Variants in RPN1 observed in about 807,000 individuals in gnomAD.
The protein encoded by RPN1 is ribophorin I, also known as dolichyl-diphosphooligosaccharide--protein glycosyltransferase subunit 1.
A neutral mutation model predicts 55.5 loss-of-function variants in RPN1; 12 were observed. The observed-to-expected ratio is 0.22, with a 90% CI of 0.14 to 0.35. RPN1 has a LOEUF of 0.35. Ranked by LOEUF, RPN1 falls within the 10% of genes least tolerant of loss-of-function variation. The probability of loss-of-function intolerance (pLI) is 1.00; values close to 1 mark genes in which losing one functional copy is unlikely to be tolerated. For synonymous variants in RPN1, 317 were observed against 305.9 expected, an observed-to-expected ratio of 1.04 and a Z score of -0.38; for missense variants, 679 against 761.3, an observed-to-expected ratio of 0.89 and a Z score of 1.27.
chr3:128,650,786 G>C lies in RPN1; in HGVS notation c.15C>G (p.Ala5=), dbSNP rs919717895. MEAP[A]AGLFLLLLLG... is the part of the protein sequence containing the mutation. Reference sequence around the variant, plus strand: ...GCAACAGGAGCAGAAACAAGCCGGCGGCTGGCGCCTCCATGACCGGGAAGA... The same window carrying C: ...GCAACAGGAGCAGAAACAAGCCGGCCGCTGGCGCCTCCATGACCGGGAAGA... The change falls in exon 1 of 10, where the codon GCC becomes GCG. Residue 5 remains alanine (A), a synonymous_variant. Transcript: ENST00000296255. The C allele has an allele frequency of 1.3e-6, 2 of 1,536,140 alleles. No individual in the cohort carries two copies. The highest frequency in any genetic ancestry group is 4.9e-5 in the East Asian group (2 of 40,610).
intron 5 of RPN1, chr3:128,627,345 G>C (rs1339544385): frequency 6.4e-6 from 1 of 156,802 alleles, no homozygotes; most frequent in Non-Finnish European, 1.4e-5. Flanking sequence ...AAATGAACAT[G>C]ATAGGGACAA....
At chr3:128,629,227 G>A (rs1280279223) in intron 5 of RPN1, among the ~76,000 whole-genome samples, 35 of 151,976 alleles carry the variant, frequency 2.3e-4, no homozygotes, top group Non-Finnish European at 4.4e-5. Context: ...TACATTTTTT[G>A]TATGGTTTTC....
intron 3 of RPN1, among the ~76,000 whole-genome samples, chr3:128,635,717 G>A (rs1009007595): frequency 1.4e-4 from 17 of 124,802 alleles, no homozygotes; most frequent in Non-Finnish European, 2.5e-4. Context: ...ACACACACAC[G>A]TGTATATATA....
At chr3:128,624,397 T>C (rs1054829184) in intron 8 of RPN1, among the ~76,000 whole-genome samples, 2 of 150,914 alleles carry the variant, frequency 1.3e-5, no homozygotes, top group African/African-American at 4.9e-5. Flanking sequence ...GGAGAATTGC[T>C]CGAACCCAGG....
At chr3:128,641,218 T>A (rs1206762044) in intron 2 of RPN1, 1 of 152,174 alleles carries the variant, frequency 6.6e-6, no homozygotes, top group African/African-American at 2.4e-5. Flanking sequence ...ATAGGTCAGT[T>A]TCTGTGGCAG....
intron 2 of RPN1, 57 bp from the exon 3 acceptor site, chr3:128,638,162 G>A: frequency 1.5e-6 from 2 of 1,344,408 alleles, no homozygotes; most frequent in Non-Finnish European, 2.1e-6. Context: ...GAAAACAGTA[G>A]TAGCAGTTCA....
chr3:128,644,409 G>C (rs1042562111), intron 2 of RPN1: 3 of 284,138 alleles, frequency 1.1e-5, no homozygotes, highest in African/African-American at 6.6e-5. Context: ...CTAGGACTCT[G>C]GGAGGCAAAG....
At chr3:128,649,267 A>T (rs2069794659) in intron 1 of RPN1, among the ~76,000 whole-genome samples, 1 of 152,190 alleles carries the variant, frequency 6.6e-6, no homozygotes, top group Non-Finnish European at 1.5e-5. Flanking sequence ...AAGTACATTA[A>T]CCTAGCTCGC....
intron 2 of RPN1, among the ~76,000 whole-genome samples, chr3:128,642,880 T>C (rs1269426134): frequency 6.6e-6 from 1 of 150,896 alleles, no homozygotes; most frequent in Non-Finnish European, 1.5e-5. Context: ...TAACTGGGCG[T>C]GGTAGCACGC....
chr3:128,628,214 G>A (rs943950058), intron 5 of RPN1, among the ~76,000 whole-genome samples: 3 of 151,312 alleles, frequency 2.0e-5, no homozygotes, highest in Admixed American at 6.6e-5. Context: ...CTGAGATCGC[G>A]CCAATGCACT....
intron 3 of RPN1, among the ~76,000 whole-genome samples, chr3:128,632,582 G>A (rs1299849058): frequency 6.6e-6 from 1 of 152,032 alleles, no homozygotes; most frequent in African/African-American, 2.4e-5. Flanking sequence ...GGTCTGCTAA[G>A]TTCTGACTTC....
At chr3:128,628,366 T>C (rs761621377) in intron 5 of RPN1, among the ~76,000 whole-genome samples, 1 of 152,074 alleles carries the variant, frequency 6.6e-6, no homozygotes, top group Non-Finnish European at 1.5e-5. Flanking sequence ...AGAGGCATTT[T>C]AGGAATTAAG....
rs1291406625 is a variant in RPN1 at position 128,650,464 on chromosome 3, G to A, written c.261+76C>T. 5 of 1,403,904 alleles carry A rather than the reference G, an allele frequency of 3.6e-6. No individual in the cohort carries two copies. The African/African-American group carries it at 7.2e-5, about 20-fold the overall frequency. The allele number at this position is 1,403,904 out of a possible 1,614,324, so 87.0% of individuals were successfully genotyped here. Reference sequence around the variant, plus strand: ...ATTTCCTGAGGCCTAGAGGGGCGCGGGCGGAGTCGGGGGACCGCCAGGAAG... The same window carrying A: ...ATTTCCTGAGGCCTAGAGGGGCGCGAGCGGAGTCGGGGGACCGCCAGGAAG... On this transcript the variant is annotated intron_variant, in intron 1 of 9. Coordinates refer to ENST00000296255, the MANE Select transcript of RPN1 (RefSeq NM_002950.4).
chr3:128,629,107 G>A (rs1480993629), intron 5 of RPN1, among the ~76,000 whole-genome samples: 1 of 152,070 alleles, frequency 6.6e-6, no homozygotes, highest in South Asian at 2.1e-4. Flanking sequence ...ATGACTTTGA[G>A]AAGGAAGAGG....
In RPN1 at chr3:128,644,915, T is replaced by C. The variant is rs769348107; in HGVS notation, c.326+4A>G. 2 of 1,499,716 alleles carry C rather than the reference T, an allele frequency of 1.3e-6. No homozygotes were observed. Among genetic ancestry groups the C allele is most frequent in the Non-Finnish European group, 1.9e-6 (2 of 1,075,684 alleles). The allele number at this position is 1,499,716 out of a possible 1,614,324, so 92.9% of individuals were successfully genotyped here. Reference sequence around the variant, plus strand: ...GAGACAAGGTATATTGTTTGTCAGCTTACCTTTTACCCTTAATTTTGGTTT... The same window carrying C: ...GAGACAAGGTATATTGTTTGTCAGCCTACCTTTTACCCTTAATTTTGGTTT... On this transcript the variant is annotated splice_donor_region_variant and intron_variant, in intron 2 of 9. Transcript: ENST00000296255.
intron 9 of RPN1, among the ~76,000 whole-genome samples, chr3:128,621,645 C>A (rs2069560460): frequency 6.6e-6 from 1 of 152,218 alleles, no homozygotes; most frequent in Non-Finnish European, 1.5e-5. Flanking sequence ...AACTCCTTTA[C>A]ATAGCTTGTA....
chr3:128,648,446 A>G (rs114659720), intron 1 of RPN1, among the ~76,000 whole-genome samples: 4,279 of 151,848 alleles, frequency 0.028, 81 homozygotes, highest in Middle Eastern at 0.044. Context: ...CTGTAATCCC[A>G]GTTACTCCAG....
intron 2 of RPN1, among the ~76,000 whole-genome samples, chr3:128,639,243 G>A (rs2069706563): frequency 6.6e-6 from 1 of 152,056 alleles, no homozygotes; most frequent in African/African-American, 2.4e-5. Flanking sequence ...ACGAGGTCAG[G>A]AGATCAAGAC....
chr3:128,637,655 T>TG lies in RPN1; in HGVS notation c.633+143dup. The TG allele has an allele frequency of 3.8e-6, 3 of 781,564 alleles. No homozygotes were observed. The South Asian group carries it at 5.2e-5, about 14-fold the overall frequency. The allele number at this position is 781,564 out of a possible 1,614,324, so 48.4% of individuals were successfully genotyped here. A position where few individuals can be genotyped will look rare whatever the true frequency, so the allele number is the denominator to read the frequency against. ...CAAGACCCCCATGGAGTCATTTCACTGCAGGTTAAACACTTTTGGGATGAC... is the reference window on the plus strand; with the variant it reads ...CAAGACCCCCATGGAGTCATTTCACTGGCAGGTTAAACACTTTTGGGATGAC... On this transcript the variant is annotated intron_variant, in intron 3 of 9. Coordinates refer to ENST00000296255, the MANE Select transcript of RPN1 (RefSeq NM_002950.4).
Sources: allele counts gnomAD v4.1 joint callset (sites outside exome capture counted in the v4.1 genomes callset), GRCh38; gene constraint gnomAD v4.1.1; transcripts MANE v1.5; gene names NCBI Gene and HGNC (gene_info 2026-07-23, HGNC 2026-07-21).